TTC14: variants seen among roughly 807,000 people sequenced by gnomAD.
TTC14 encodes the protein tetratricopeptide repeat domain 14, also known as tetratricopeptide repeat protein 14.
TTC14 carries 63 observed loss-of-function variants against 79.9 expected under a neutral mutation model. The observed-to-expected ratio is 0.79, with a 90% CI of 0.64 to 0.97. The LOEUF is 0.97. Among genes scored for constraint, TTC14 ranks in the 50% least tolerant of loss-of-function variants. The probability of loss-of-function intolerance (pLI) is 0.00; values close to 1 mark genes in which losing one functional copy is unlikely to be tolerated. For missense variants in TTC14, 895 were observed against 894.0 expected (o/e 1.00, Z -0.01); for synonymous variants, 335 against 309.6 (o/e 1.08, Z -0.86).
chr3:180,617,130 G>A (rs553631174), intron 12 of TTC14, among the ~76,000 whole-genome samples: 8 of 152,192 alleles, frequency 5.3e-5, no homozygotes, highest in African/African-American at 1.9e-4. Context: ...ATGATGGACT[G>A]TATATATGAT....
chr3:180,613,199 A>G (rs1430955520), downstream of TTC14, among the ~76,000 whole-genome samples: 1 of 152,218 alleles, frequency 6.6e-6, no homozygotes, highest in African/African-American at 2.4e-5. Flanking sequence ...CACAGCAAAA[A>G]TTATTGGGGA....
At chr3:180,605,538 C>G (rs954463178) in intron 6 of TTC14, 1 of 374,020 alleles carries the variant, frequency 2.7e-6, no homozygotes, top group African/African-American at 2.2e-5. Flanking sequence ...GCCTCGACCT[C>G]CCAAAGTGTT....
chr3:180,617,557 AC>A lies in TTC14; in HGVS notation c.1954del (p.His652ThrfsTer13). On this transcript the variant is annotated frameshift_variant, in exon 13 of 13. Transcript: ENST00000382584. LOFTEE classifies it high-confidence loss of function. The stretch of plus-strand genomic sequence containing the variant: ...GAAGACAGTGGTATTGATGATCCTG[AC>A]CACGGGTAGGCTTAGGTTTATGTGT... 1 of 598,016 alleles carries A rather than the reference AC, an allele frequency of 1.7e-6. No homozygotes were observed. The allele number at this position is 598,016 out of a possible 1,614,324, so 37.0% of individuals were successfully genotyped here.
At chr3:180,616,743 T>A (rs752498554) in intron 12 of TTC14, 3 of 1,568,102 alleles carry the variant, frequency 1.9e-6, no homozygotes, top group Non-Finnish European at 1.7e-6. Context: ...TTTACCAGAA[T>A]TTAATATTTT....
downstream of TTC14, among the ~76,000 whole-genome samples, chr3:180,611,461 CA>C (rs2108400295): frequency 6.6e-6 from 1 of 152,312 alleles, no homozygotes; most frequent in South Asian, 2.1e-4. Flanking sequence ...ATCTGACCTG[CA>C]TTTCTTCTTA....
intron 11 of TTC14, chr3:180,609,259 C>G (rs1271340769): frequency 9.2e-6 from 7 of 764,594 alleles, no homozygotes; most frequent in African/African-American, 3.8e-5. Context: ...CGCACCCCCA[C>G]CCCCTACCAA....
chr3:180,617,493 G>A (rs1249111162), exon 13 of TTC14: 1 of 675,708 alleles, frequency 1.5e-6, no homozygotes. Context: ...TCATGTTACT[G>A]ACCCTGAAGA....
chr3:180,603,022 T>G lies in TTC14; in HGVS notation c.286+7T>G, dbSNP rs778044170. The G allele has an allele frequency of 6.2e-7, 1 of 1,611,764 alleles. No homozygotes were observed. The highest frequency in any genetic ancestry group is 1.7e-5 in the Admixed American group (1 of 59,528). On this transcript the variant is annotated splice_region_variant and intron_variant, in intron 2 of 11. Coordinates refer to ENST00000296015, the MANE Select transcript of TTC14 (RefSeq NM_133462.4). ...ATTAATGAAGACAGTGAAGGTCAGT[T>G]TAGCCTTAAAATCTTTAAGATTGCG...
At chr3:180,607,365 A>T (rs1463121646) in intron 9 of TTC14, among the ~76,000 whole-genome samples, 1 of 152,172 alleles carries the variant, frequency 6.6e-6, no homozygotes. Context: ...AAAATTCAAG[A>T]TCATACTAAA....
chr3:180,614,021 A>G (rs935685432), downstream of TTC14: 1 of 333,324 alleles, frequency 3.0e-6, no homozygotes, highest in South Asian at 2.5e-5. Flanking sequence ...ATTCTAATAC[A>G]TTTATTTAAA....
At chr3:180,603,856 G>A (rs1716524911) in intron 3 of TTC14, 3 of 246,664 alleles carry the variant, frequency 1.2e-5, no homozygotes, top group African/African-American at 7.0e-5. Flanking sequence ...AAGAAAAGCA[G>A]AAGGTATTAC....
chr3:180,608,101 A>T (rs1394274126), intron 10 of TTC14: 5 of 1,030,796 alleles, frequency 4.9e-6, no homozygotes, highest in African/African-American at 1.7e-5. Flanking sequence ...CATATTTTAA[A>T]TTGTCTTTTC....
At chr3:180,606,754 T>C in intron 9 of TTC14, 151 bp downstream of exon 9, 1 of 979,418 alleles carries the variant, frequency 1.0e-6, no homozygotes. Context: ...ATTAGGCAAA[T>C]ACTCTTTTCC....
At chr3:180,615,359 G>T (rs1204270192), downstream of TTC14, among the ~76,000 whole-genome samples, 1 of 152,006 alleles carries the variant, frequency 6.6e-6, no homozygotes, top group South Asian at 2.1e-4. Flanking sequence ...TTTAGAGTTG[G>T]AATCATTAAG....
chr3:180,609,053 TA>T (rs1272572634), intron 11 of TTC14: 1 of 971,602 alleles, frequency 1.0e-6, no homozygotes, highest in East Asian at 7.3e-5. Context: ...TAAGTTACTT[TA>T]ATTATGTTTT....
chr3:180,606,735 G>T (rs1716717960), intron 9 of TTC14, 132 bp downstream of exon 9: 40 of 1,128,742 alleles, frequency 3.5e-5, no homozygotes, highest in Non-Finnish European at 4.5e-5. Flanking sequence ...AAATGGGAAA[G>T]TACAAGAGAT....
chr3:180,604,113 C>T (rs1469876187), intron 3 of TTC14, 112 bp from the exon 4 acceptor site: 1 of 872,548 alleles, frequency 1.1e-6, no homozygotes, highest in Non-Finnish European at 1.9e-6. Context: ...TAAATTTTTA[C>T]TTTAGGTTGT....
At chr3:180,617,151 T>C (rs1170849738) in intron 12 of TTC14, among the ~76,000 whole-genome samples, 1 of 152,154 alleles carries the variant, frequency 6.6e-6, no homozygotes, top group Non-Finnish European at 1.5e-5. Context: ...GGTGGTCCCA[T>C]AGGATTATAA....
At chr3:180,602,627 C>G (rs923956710) in intron 1 of TTC14, 10 of 748,116 alleles carry the variant, frequency 1.3e-5, no homozygotes, top group Non-Finnish European at 1.9e-5. Flanking sequence ...TTCTCTGGCA[C>G]TGCTTGGTAG....
Sources: allele counts gnomAD v4.1 joint callset (sites outside exome capture counted in the v4.1 genomes callset), GRCh38; gene constraint gnomAD v4.1.1; transcripts MANE v1.5; gene names NCBI Gene and HGNC (gene_info 2026-07-23, HGNC 2026-07-21).